C3orf20: variants seen among roughly 807,000 people sequenced by gnomAD.
The protein encoded by C3orf20 is family with sequence similarity 149 member C, also known as uncharacterized protein C3orf20.
A neutral mutation model predicts 88.3 loss-of-function variants in C3orf20; 76 were observed. That is an observed-to-expected ratio of 0.86 (90% CI 0.72 to 1.04). The LOEUF (loss-of-function observed/expected upper bound fraction) is 1.04. Ranked by LOEUF, C3orf20 falls within the 50% of genes least tolerant of loss-of-function variation. The pLI is 0.00. For missense variants in C3orf20, 1,056 were observed against 1,123.3 expected (o/e 0.94, Z 0.86); for synonymous variants, 436 against 437.4 (o/e 1.00, Z 0.04).
intron 13 of C3orf20, 51 bp downstream of exon 13, chr3:14,757,725 G>A: frequency 2.6e-6 from 4 of 1,536,918 alleles, no homozygotes; most frequent in Non-Finnish European, 3.5e-6. Context: ...CAGGGGTAGT[G>A]GGGCAGTCCG....
intron 7 of C3orf20, among the ~76,000 whole-genome samples, chr3:14,705,480 T>C (rs780007831): frequency 3.3e-5 from 5 of 152,370 alleles, no homozygotes. Flanking sequence ...ATGAAGTTAA[T>C]AGACCATTTG....
At chr3:14,753,486 A>G (rs1036080689) in intron 12 of C3orf20, among the ~76,000 whole-genome samples, 1 of 152,220 alleles carries the variant, frequency 6.6e-6, no homozygotes, top group Non-Finnish European at 1.5e-5. Flanking sequence ...TTAAACTGTA[A>G]TAATAATATA....
At chr3:14,690,179 T>C in intron 5 of C3orf20, 63 bp downstream of exon 5, 1 of 1,608,414 alleles carries the variant, frequency 6.2e-7, no homozygotes, top group Non-Finnish European at 8.5e-7. Flanking sequence ...GGGATAGGTT[T>C]CCGTCTACCC....
At chr3:14,730,431 C>A (rs1374957051) in intron 12 of C3orf20, among the ~76,000 whole-genome samples, 1 of 151,930 alleles carries the variant, frequency 6.6e-6, no homozygotes, top group Non-Finnish European at 1.5e-5. Flanking sequence ...CCTGTGGTCC[C>A]AGCTACTCGG....
chr3:14,724,478 C>T (rs1435759596), intron 10 of C3orf20, among the ~76,000 whole-genome samples: 1 of 152,166 alleles, frequency 6.6e-6, no homozygotes, highest in Non-Finnish European at 1.5e-5. Flanking sequence ...AAAGCAACCT[C>T]CTCAAGCTGG....
chr3:14,683,531 G>A (rs185126989), intron 3 of C3orf20, among the ~76,000 whole-genome samples: 33 of 152,104 alleles, frequency 2.2e-4, no homozygotes, highest in Non-Finnish European at 4.4e-4. Context: ...AGGGCTGATT[G>A]GGAAGTAGCC....
chr3:14,715,064 G>A (rs1205535608), intron 8 of C3orf20, among the ~76,000 whole-genome samples: 1 of 152,168 alleles, frequency 6.6e-6, no homozygotes, highest in Non-Finnish European at 1.5e-5. Context: ...TCTGGGTTTG[G>A]CCTGAGACTT....
At chr3:14,676,523 G>A (rs1455436499) in intron 1 of C3orf20, among the ~76,000 whole-genome samples, 4 of 152,086 alleles carry the variant, frequency 2.6e-5, no homozygotes, top group African/African-American at 9.7e-5. Context: ...TCAGCTTAAT[G>A]TACATCATTA....
At chr3:14,727,122 C>T (rs1193577189) in intron 11 of C3orf20, 98 bp downstream of exon 11, 2 of 1,327,804 alleles carry the variant, frequency 1.5e-6, no homozygotes, top group East Asian at 2.3e-5. Context: ...TACTTTACCG[C>T]CCATTCCATC....
Position 14,728,600 on chromosome 3 carries a change from G to C in C3orf20, c.1852G>C (p.Glu618Gln). 6.2e-7 allele frequency: 1 copy of C among 1,614,182 alleles called. No homozygotes were observed. Among genetic ancestry groups the C allele is most frequent in the Non-Finnish European group, 8.5e-7 (1 of 1,180,024 alleles). Reference protein sequence around the residue: ...QSGHLESSIAETLKDEPESAP... With the variant: ...QSGHLESSIAQTLKDEPESAP... Reference sequence around the variant, plus strand: ...AGGCCACCTGGAATCCTCAATTGCAGAGACTTTGAAGGATGAGCCTGAGTC... The same window carrying C: ...AGGCCACCTGGAATCCTCAATTGCACAGACTTTGAAGGATGAGCCTGAGTC... The change falls in exon 12 of 17, where the codon GAG becomes CAG. Residue 618 changes from glutamate (E) to glutamine (Q), a missense_variant. Coordinates refer to ENST00000253697, the MANE Select transcript of C3orf20 (RefSeq NM_032137.5).
chr3:14,693,048 T>A (rs1418878405), intron 5 of C3orf20, among the ~76,000 whole-genome samples: 1 of 152,202 alleles, frequency 6.6e-6, no homozygotes, highest in Non-Finnish European at 1.5e-5. Context: ...ATAGATTTAT[T>A]TTGGGGCTCT....
intron 5 of C3orf20, among the ~76,000 whole-genome samples, chr3:14,694,457 T>G (rs1484678343): frequency 6.6e-6 from 1 of 152,184 alleles, no homozygotes; most frequent in African/African-American, 2.4e-5. Context: ...TCTTCTAGAT[T>G]TCCCAATTTA....
At chr3:14,738,890 A>AG (rs775305826) in intron 12 of C3orf20, among the ~76,000 whole-genome samples, 3 of 141,676 alleles carry the variant, frequency 2.1e-5, no homozygotes, top group East Asian at 4.2e-4. Flanking sequence ...TCCTGACCTC[A>AG]GGTGATCCAC....
At chr3:14,702,279 A>G (rs557107600) in intron 5 of C3orf20, among the ~76,000 whole-genome samples, 1 of 152,196 alleles carries the variant, frequency 6.6e-6, no homozygotes, top group Admixed American at 6.5e-5. Flanking sequence ...CGAGAATAGC[A>G]CGGGAAAGAC....
chr3:14,700,097 C>T (rs1023240374), intron 5 of C3orf20, among the ~76,000 whole-genome samples: 2 of 152,196 alleles, frequency 1.3e-5, no homozygotes, highest in Non-Finnish European at 2.9e-5. Context: ...TGCATAGACT[C>T]TCTGTGCCTT....
intron 10 of C3orf20, chr3:14,722,069 T>C (rs1219683195): frequency 1.1e-5 from 4 of 358,464 alleles, no homozygotes; most frequent in Non-Finnish European, 2.1e-5. Context: ...TCTGTCAATA[T>C]GCAGTTTCAG....
chr3:14,687,584 G>A (rs2032497074), intron 4 of C3orf20, among the ~76,000 whole-genome samples: 1 of 152,206 alleles, frequency 6.6e-6, no homozygotes, highest in Non-Finnish European at 1.5e-5. Flanking sequence ...CAGCTGCTAA[G>A]TAGTCTGTTG....
At chr3:14,747,442 T>C (rs1027439998) in intron 12 of C3orf20, among the ~76,000 whole-genome samples, 91 of 152,174 alleles carry the variant, frequency 6.0e-4, no homozygotes, top group African/African-American at 2.1e-3. Flanking sequence ...TTATCTAGCC[T>C]CAGTTTATAG....
rs754719635 is a variant in C3orf20, at chr3:14,768,192, G to T, written c.2496-3875G>T. 2.4e-4 allele frequency among the ~76,000 whole-genome samples: 37 copies of T among 152,234 alleles called. No individual in the cohort carries two copies. The highest frequency in any genetic ancestry group is 3.4e-3 in the Middle Eastern group (1 of 294). Reference sequence around the variant, plus strand: ...GGCAGGGGAGTGGGGAGGGCACAGGGTGAGGAGACTGGGTCTCTAGTTGGA... The same window carrying T: ...GGCAGGGGAGTGGGGAGGGCACAGGTTGAGGAGACTGGGTCTCTAGTTGGA... On this transcript the variant is annotated intron_variant, in intron 15 of 16. Coordinates refer to ENST00000253697, the MANE Select transcript of C3orf20 (RefSeq NM_032137.5). The surrounding 1 kb of genome is among the most constrained non-coding windows in gnomAD (Gnocchi z 4.1).
Sources: gnomAD v4.1 joint callset for allele counts (sites outside exome capture counted in the v4.1 genomes callset) on GRCh38, gnomAD v4.1.1 for gene constraint, Gnocchi (gnomAD v3.1) non-coding constraint, MANE v1.5 for transcripts, NCBI Gene and HGNC (gene_info 2026-07-23, HGNC 2026-07-21) for gene names.